The following ACSBG2 variants were observed in gnomAD, a reference collection of about 807,000 sequenced individuals.
ACSBG2 encodes acyl-CoA synthetase bubblegum family member 2.
Under a neutral mutation model 74.7 loss-of-function variants are expected in ACSBG2, and 62 were observed. That is an observed-to-expected ratio of 0.83 (90% CI 0.68 to 1.03). ACSBG2 has a LOEUF of 1.03. Among genes scored for constraint, ACSBG2 ranks in the 50% least tolerant of loss-of-function variants. The pLI is 0.00. For synonymous variants in ACSBG2, 309 were observed against 294.1 expected, an observed-to-expected ratio of 1.05 and a Z score of -0.52; for missense variants, 730 against 817.6, an observed-to-expected ratio of 0.89 and a Z score of 1.31.
At chr19:6,142,958 A>G (rs1020426878) in intron 2 of ACSBG2, among the ~76,000 whole-genome samples, 1 of 152,070 alleles carries the variant, frequency 6.6e-6, no homozygotes, top group Non-Finnish European at 1.5e-5. Flanking sequence ...CACAGTTCAC[A>G]TCTGTAGTTT....
intron 6 of ACSBG2, among the ~76,000 whole-genome samples, chr19:6,162,180 C>A (rs1049063151): frequency 1.4e-4 from 21 of 145,274 alleles, no homozygotes; most frequent in African/African-American, 4.6e-4. Context: ...GCAGGAGAAT[C>A]GCTTGAACCC....
intron 7 of ACSBG2, chr19:6,176,401 T>C: frequency 6.6e-7 from 1 of 1,519,694 alleles, no homozygotes; most frequent in Non-Finnish European, 8.9e-7. Flanking sequence ...TGCTTGTCTG[T>C]CAGTTGAAAG....
intron 8 of ACSBG2, among the ~76,000 whole-genome samples, chr19:6,179,710 G>C (rs867173596): frequency 1.6e-4 from 25 of 152,064 alleles, no homozygotes; most frequent in Admixed American, 5.2e-4. Flanking sequence ...CTCCACCTCC[G>C]GGTTAAACGA....
Position 6,192,071 on chromosome 19 carries a change from C to CAAAAAAAAAAAAA in ACSBG2, c.*36-584_*36-572dup, listed in dbSNP as rs397859531. The CAAAAAAAAAAAAA allele has an allele frequency of 1.1e-3, 62 of 57,424 alleles. 2 individuals carry two copies. The highest frequency in any genetic ancestry group is 3.7e-3 in the African/African-American group (43 of 11,688). 3.6% of individuals were successfully genotyped at this position (57,424 alleles called of 1,614,324 possible). A position where few individuals can be genotyped will look rare whatever the true frequency, so the allele number is the denominator to read the frequency against. On this transcript the variant is annotated intron_variant, in intron 14 of 14. Transcript: ENST00000588485. The stretch of plus-strand genomic sequence containing the variant: ...ACACTGGGCTTCAAAAGCACAGCAC[C>CAAAAAAAAAAAAA]AAAAAAAAAAAAAAAAAAAAAAAAA...
At chr19:6,167,493 C>T (rs764542435) in intron 7 of ACSBG2, among the ~76,000 whole-genome samples, 4 of 149,910 alleles carry the variant, frequency 2.7e-5, no homozygotes, top group African/African-American at 4.9e-5. Flanking sequence ...CTGGAGGTCC[C>T]GATCCTAGAT....
Position 6,180,335 on chromosome 19 carries a change from C to G in ACSBG2, c.907-2416C>G, listed in dbSNP as rs1432943682. On this transcript the variant is annotated intron_variant, in intron 8 of 14. Transcript: ENST00000588485. This position sits in a 1 kb window ranked among gnomAD's most constrained non-coding sequence, Gnocchi z 4.3. ...CAGGCTAAATCTTAGGGCCTTTGCA[C>G]GTGCTTCTAGAAGGTTCTTTCTCTT... Among the ~76,000 whole-genome samples the G allele has an allele frequency of 1.3e-5, 2 of 152,190 alleles. No homozygotes were observed. Among genetic ancestry groups the G allele is most frequent in the South Asian group, 4.1e-4 (2 of 4,834 alleles).
intron 6 of ACSBG2, among the ~76,000 whole-genome samples, chr19:6,164,433 C>G (rs1001737113): frequency 2.8e-5 from 4 of 141,972 alleles, no homozygotes; most frequent in African/African-American, 1.1e-4. Flanking sequence ...CTTTGAGGGG[C>G]CTTTTTTTTT....
At chr19:6,161,371 A>T in intron 6 of ACSBG2, 76 bp downstream of exon 6, 1 of 1,395,434 alleles carries the variant, frequency 7.2e-7, no homozygotes, top group East Asian at 2.3e-5. Context: ...CCTAAGTGGA[A>T]GGTGAGCAGA....
chr19:6,181,063 GAA>G (rs2090234173), intron 8 of ACSBG2, among the ~76,000 whole-genome samples: 1 of 142,868 alleles, frequency 7.0e-6, no homozygotes, highest in African/African-American at 2.6e-5. Context: ...AAAAAAAAAA[GAA>G]AAAGAAAAAT....
intron 13 of ACSBG2, among the ~76,000 whole-genome samples, chr19:6,189,401 C>T (rs2090496312): frequency 6.6e-6 from 1 of 152,212 alleles, no homozygotes; most frequent in Non-Finnish European, 1.5e-5. Context: ...TGCGAGTTTG[C>T]TGTCAGCGCT....
Position 6,147,603 on chromosome 19 carries a change from CA to C in ACSBG2, c.230del (p.Lys77SerfsTer5), listed in dbSNP as rs2145032654. 12 of 1,614,118 alleles carry C rather than the reference CA, an allele frequency of 7.4e-6. No individual in the cohort carries two copies. The highest frequency in any genetic ancestry group is 1.0e-5 in the Non-Finnish European group (12 of 1,180,000). ...TYPALASKNG[K>X]KWEILNFNQY... ...ATCCAGCCCTCGCATCCAAGAATGG[CA>C]AAAAGTGGGAAATTCTGAATTTCAA... On this transcript the variant is annotated frameshift_variant, in exon 3 of 15. Transcript: ENST00000588485. LOFTEE classifies it high-confidence loss of function.
chr19:6,151,152 T>C (rs573964342), intron 3 of ACSBG2, among the ~76,000 whole-genome samples: 3 of 150,144 alleles, frequency 2.0e-5, no homozygotes, highest in South Asian at 2.1e-4. Context: ...ATCCATGTTA[T>C]AGATATTTTA....
At chr19:6,173,195 C>T (rs1233123480) in intron 7 of ACSBG2, among the ~76,000 whole-genome samples, 1 of 152,074 alleles carries the variant, frequency 6.6e-6, no homozygotes, top group Non-Finnish European at 1.5e-5. Context: ...GATCCTGCGG[C>T]CCCCCAGAGG....
At position 6,183,149 on chromosome 19, in the gene ACSBG2, C is replaced by T. The variant is rs1249718951; in HGVS notation, c.1199C>T (p.Pro400Leu). 1.2e-6 allele frequency: 2 copies of T among 1,614,088 alleles called. No homozygotes were observed. Among genetic ancestry groups the T allele is most frequent in the African/African-American group, 1.3e-5 (1 of 74,938 alleles). Residue 400 changes from proline (P) to leucine (L), a missense_variant, in exon 10 of 15, where the codon CCC (proline) becomes CTC (leucine). Transcript: ENST00000588485. ...CACTCTTTTATCAGTGGGACTGCGC[C>T]CCTCAACCAAGAGACTGCCGAGTTC... ...HCHSFISGTA[P>L]LNQETAEFFL...
In ACSBG2 at chr19:6,180,314, C is replaced by T. The variant is rs1018238029; in HGVS notation, c.907-2437C>T. On this transcript the variant is annotated intron_variant, in intron 8 of 14. Coordinates refer to ENST00000588485, the MANE Select transcript of ACSBG2 (RefSeq NM_030924.5). The surrounding 1 kb of genome is among the most constrained non-coding windows in gnomAD (Gnocchi z 4.3). ...CCTCCCACACTCTCCATCAAGCAGG[C>T]TAAATCTTAGGGCCTTTGCACGTGC... Among the ~76,000 whole-genome samples, 1 of 152,200 alleles carries T rather than the reference C, an allele frequency of 6.6e-6. No individual in the cohort carries two copies. The highest frequency in any genetic ancestry group is 1.5e-5 in the Non-Finnish European group (1 of 68,032).
chr19:6,184,166 T>C (rs1408562735), intron 10 of ACSBG2, among the ~76,000 whole-genome samples: 1 of 152,210 alleles, frequency 6.6e-6, no homozygotes, highest in Non-Finnish European at 1.5e-5. Flanking sequence ...CTGCCTGTTT[T>C]AAAAATTAGA....
At chr19:6,151,879 T>G in intron 4 of ACSBG2, 84 bp downstream of exon 4, 5 of 1,311,994 alleles carry the variant, frequency 3.8e-6, no homozygotes, top group Non-Finnish European at 5.3e-6. Flanking sequence ...CAGTGTGAGA[T>G]GCAAACAGGA....
chr19:6,190,812 TACACACACACACACAC>T (rs58730661), intron 14 of ACSBG2, 120 bp downstream of exon 14: 41 of 336,822 alleles, frequency 1.2e-4, no homozygotes, highest in African/African-American at 6.8e-4. Flanking sequence ...CACACATACA[TACACACACACACACAC>T]ACACACACAC....
intron 8 of ACSBG2, among the ~76,000 whole-genome samples, chr19:6,182,238 G>A (rs758987340): frequency 2.0e-5 from 3 of 151,078 alleles, no homozygotes; most frequent in African/African-American, 7.3e-5. Context: ...CCTAGATTTC[G>A]ATAGGGGTTG....
Sources: gnomAD v4.1 joint callset for allele counts (sites outside exome capture counted in the v4.1 genomes callset) on GRCh38, gnomAD v4.1.1 for gene constraint, Gnocchi (gnomAD v3.1) non-coding constraint, MANE v1.5 for transcripts, NCBI Gene and HGNC (gene_info 2026-07-23, HGNC 2026-07-21) for gene names.